The following RAB3GAP2 variants were observed in gnomAD, a reference collection of about 807,000 sequenced individuals.
RAB3GAP2 encodes rab3 GTPase-activating protein non-catalytic subunit.
RAB3GAP2 carries 87 observed loss-of-function variants against 185.3 expected under a neutral mutation model. The observed-to-expected ratio is 0.47, with a 90% CI of 0.39 to 0.56. The LOEUF is 0.56. Ranked by LOEUF, RAB3GAP2 falls within the 20% of genes least tolerant of loss-of-function variation. RAB3GAP2 has a pLI of 0.00. For missense variants in RAB3GAP2, 1,492 were observed against 1,638.2 expected, an observed-to-expected ratio of 0.91 and a Z score of 1.54; for synonymous variants, 554 against 576.1, an observed-to-expected ratio of 0.96 and a Z score of 0.55.
At chr1:220,216,720 A>T (rs2102883746) in intron 2 of RAB3GAP2, among the ~76,000 whole-genome samples, 1 of 152,350 alleles carries the variant, frequency 6.6e-6, no homozygotes, top group East Asian at 1.9e-4. Flanking sequence ...AATAAAAAAG[A>T]ATCAATATAA....
At chr1:220,199,819 A>G (rs1342449398) in intron 9 of RAB3GAP2, among the ~76,000 whole-genome samples, 2 of 152,074 alleles carry the variant, frequency 1.3e-5, no homozygotes, top group Non-Finnish European at 2.9e-5. Context: ...GCAAGTACAA[A>G]AGGTATCTCA....
At chr1:220,196,526 C>T in intron 9 of RAB3GAP2, 128 bp from the exon 10 acceptor site, 3 of 960,276 alleles carry the variant, frequency 3.1e-6, no homozygotes, top group Non-Finnish European at 4.7e-6. Flanking sequence ...TTAAAAGCTA[C>T]AAAGTCAACA....
chr1:220,231,959 T>C (rs1489242805), intron 2 of RAB3GAP2, among the ~76,000 whole-genome samples: 1 of 152,232 alleles, frequency 6.6e-6, no homozygotes, highest in Non-Finnish European at 1.5e-5. Context: ...ATCTTTGGAC[T>C]TCCTTCTATG....
intron 9 of RAB3GAP2, among the ~76,000 whole-genome samples, chr1:220,196,941 A>G (rs1658735908): frequency 1.3e-5 from 2 of 152,102 alleles, no homozygotes; most frequent in Admixed American, 1.3e-4. Flanking sequence ...ACTCAGAGGT[A>G]CCAGAAGTAT....
intron 1 of RAB3GAP2, among the ~76,000 whole-genome samples, chr1:220,263,737 T>A (rs1312878096): frequency 5.9e-5 from 9 of 152,110 alleles, no homozygotes; most frequent in Non-Finnish European, 1.0e-4. Context: ...CTAACTTGTT[T>A]CTTCTTTTCC....
intron 17 of RAB3GAP2, among the ~76,000 whole-genome samples, chr1:220,186,567 C>A (rs964663748): frequency 2.6e-5 from 4 of 152,092 alleles, no homozygotes; most frequent in Non-Finnish European, 5.9e-5. Context: ...ACAAGCATAA[C>A]CTGCTCCAGT....
chr1:220,261,843 C>G lies in RAB3GAP2; in HGVS notation c.115+10380G>C, dbSNP rs74687300. Among the ~76,000 whole-genome samples the G allele has an allele frequency of 6.5e-3, 984 of 152,172 alleles. 11 individuals are homozygous for G. The highest frequency in any genetic ancestry group is 0.022 in the African/African-American group (922 of 41,528). On this transcript the variant is annotated intron_variant, in intron 1 of 34. Transcript: ENST00000358951. ...ATGCTGTAAATGGGTTGCAGGTGAGCCAAGATATTGATCCTTTTAGCAGTA... is the reference window on the plus strand; with the variant it reads ...ATGCTGTAAATGGGTTGCAGGTGAGGCAAGATATTGATCCTTTTAGCAGTA...
chr1:220,191,805 C>T lies in RAB3GAP2; in HGVS notation c.1271-521G>A, dbSNP rs187127653. On this transcript the variant is annotated intron_variant, in intron 13 of 34. Coordinates refer to ENST00000358951, the MANE Select transcript of RAB3GAP2 (RefSeq NM_012414.4). ...TGAACTCCAGCCTGGGCAACAAGAG[C>T]GAAACTCTCTAAAAAAAAAAAAAAG... Among the ~76,000 whole-genome samples the T allele has an allele frequency of 1.3e-3, 190 of 149,314 alleles. No individual in the cohort carries two copies. The Middle Eastern group carries it at 0.017, about 13-fold the overall frequency.
chr1:220,268,529 TG>T (rs1445955670), intron 1 of RAB3GAP2, among the ~76,000 whole-genome samples: 1 of 152,186 alleles, frequency 6.6e-6, no homozygotes, highest in Non-Finnish European at 1.5e-5. Context: ...ATTTGAAGTA[TG>T]GTTTCTACAA....
In RAB3GAP2 at chr1:220,196,255, A is replaced by G; in HGVS notation, c.955T>C (p.Leu319=). ...ATCATTGATAAAACTCATACCTCTA[A>G]AGCATAGAAGAAGCCAGTAAATGGA... ...SNPFTGFFYA[L]EGSTQPLLSH... is the part of the protein sequence containing the mutation. The change falls in exon 10 of 35, where the codon TTA becomes CTA. Residue 319 remains leucine (L), a synonymous_variant. Coordinates refer to ENST00000358951, the MANE Select transcript of RAB3GAP2 (RefSeq NM_012414.4). The G allele has an allele frequency of 1.9e-6, 3 of 1,613,208 alleles. No individual in the cohort carries two copies. The highest frequency in any genetic ancestry group is 2.5e-6 in the Non-Finnish European group (3 of 1,179,246).
intron 26 of RAB3GAP2, among the ~76,000 whole-genome samples, chr1:220,165,595 T>C (rs952252506): frequency 1.3e-5 from 2 of 152,144 alleles, no homozygotes; most frequent in African/African-American, 4.8e-5. Context: ...ATTGTGTGTG[T>C]CAAATGGTGG....
In RAB3GAP2 at chr1:220,157,462, C is replaced by G. The variant is rs1266051789; in HGVS notation, c.3363G>C (p.Gln1121His). Residue 1121 changes from glutamine to histidine, a missense_variant, in exon 31 of 35, where the codon CAG becomes CAC. Physicochemically the swap from Gln to His is conservative, Grantham distance 24. This residue lies in a region of RAB3GAP2 where 387 missense variants were observed against 455.3 expected (regional missense o/e 0.85). Transcript: ENST00000358951. Reference protein sequence around the residue: ...MEADVSRDEIQVPVLDTEDAW... With the variant: ...MEADVSRDEIHVPVLDTEDAW... ...CATCCTCAGTATCCAGCACAGGCAC[C>G]TGTATTTCATCCCTGCTAACATCTG... 1 of 1,613,548 alleles carries G rather than the reference C, an allele frequency of 6.2e-7. No individual in the cohort carries two copies. The highest frequency in any genetic ancestry group is 8.5e-7 in the Non-Finnish European group (1 of 1,180,014).
Position 220,174,399 on chromosome 1 carries a change from G to C in RAB3GAP2, c.2311-1657C>G, listed in dbSNP as rs372779438. Among the ~76,000 whole-genome samples the C allele has an allele frequency of 9.3e-4, 141 of 151,860 alleles. 4 individuals carry two copies. The South Asian group carries it at 0.029, about 31-fold the overall frequency. On this transcript the variant is annotated intron_variant, in intron 21 of 34. Coordinates refer to ENST00000358951, the MANE Select transcript of RAB3GAP2 (RefSeq NM_012414.4). ...ATAGACACCCTTTAAAAAACTTTTT[G>C]TGGGTACATAGTAGGTAGGTGTATA... is the stretch of plus-strand genomic sequence containing the variant.
intron 2 of RAB3GAP2, among the ~76,000 whole-genome samples, chr1:220,224,477 A>G (rs966498874): frequency 6.6e-6 from 1 of 152,222 alleles, no homozygotes; most frequent in Non-Finnish European, 1.5e-5. Context: ...GAAAAGAATG[A>G]AATAATTTAC....
At chr1:220,207,261 T>C (rs948776702) in intron 7 of RAB3GAP2, among the ~76,000 whole-genome samples, 4 of 152,224 alleles carry the variant, frequency 2.6e-5, no homozygotes, top group African/African-American at 7.2e-5. Flanking sequence ...TTCTCATATA[T>C]ATTAAGTTGC....
At chr1:220,174,785 C>A (rs1658256368) in intron 21 of RAB3GAP2, among the ~76,000 whole-genome samples, 1 of 152,150 alleles carries the variant, frequency 6.6e-6, no homozygotes, top group South Asian at 2.1e-4. Context: ...ATATATCGTA[C>A]TTTTGAGGGA....
intron 19 of RAB3GAP2, among the ~76,000 whole-genome samples, chr1:220,183,156 A>G (rs1658444261): frequency 6.6e-6 from 1 of 152,198 alleles, no homozygotes; most frequent in South Asian, 2.1e-4. Context: ...CAAACCAAAC[A>G]TGGTACTAGA....
chr1:220,191,589 C>T (rs866846687), intron 13 of RAB3GAP2, among the ~76,000 whole-genome samples: 2 of 151,966 alleles, frequency 1.3e-5, no homozygotes, highest in Non-Finnish European at 2.9e-5. Context: ...GAAGCTGAGG[C>T]GGGTGGATCA....
At chr1:220,267,668 A>G in intron 1 of RAB3GAP2, 1 of 1,514,546 alleles carries the variant, frequency 6.6e-7, no homozygotes, top group South Asian at 1.1e-5. Context: ...GATGAGGTAC[A>G]CTGGTTGCCT....
Sources: gnomAD v4.1 joint callset for allele counts (sites outside exome capture counted in the v4.1 genomes callset) on GRCh38, gnomAD v4.1.1 for gene constraint, gnomAD v4.1.1 regional missense constraint, MANE v1.5 for transcripts, NCBI Gene and HGNC (gene_info 2026-07-23, HGNC 2026-07-21) for gene names.